QPCT: variants seen among roughly 807,000 people sequenced by gnomAD.
QPCT encodes the protein glutaminyl-peptide cyclotransferase, also known as EC.
QPCT carries 44 observed loss-of-function variants against 43.4 expected under a neutral mutation model. That is an observed-to-expected ratio of 1.01 (90% CI 0.80 to 1.30). QPCT has a LOEUF of 1.30. QPCT is among the 50% of genes most tolerant of loss of function. The pLI, the probability that QPCT is intolerant of heterozygous loss-of-function variation, is 0.00. For synonymous variants in QPCT, 168 were observed against 168.4 expected (o/e 1.00, Z 0.02); for missense variants, 526 against 436.5 (o/e 1.21, Z -1.83).
chr2:37,360,129 A>G, intron 3 of QPCT: 1 of 422,030 alleles, frequency 2.4e-6, no homozygotes, highest in Admixed American at 4.1e-5. Flanking sequence ...CTTTGTGAAA[A>G]ATGAAGGAGG....
chr2:37,366,236 C>T (rs1330706293), intron 3 of QPCT, among the ~76,000 whole-genome samples: 1 of 152,174 alleles, frequency 6.6e-6, no homozygotes, highest in South Asian at 2.1e-4. Flanking sequence ...GGGTTATTGT[C>T]AGACGGAGGA....
chr2:37,353,160 G>A (rs1672658747), intron 2 of QPCT, among the ~76,000 whole-genome samples: 1 of 152,164 alleles, frequency 6.6e-6, no homozygotes, highest in Non-Finnish European at 1.5e-5. Context: ...TCTATTTGGG[G>A]TACAACATTA....
intron 3 of QPCT, among the ~76,000 whole-genome samples, chr2:37,360,332 A>G (rs768015005): frequency 6.6e-6 from 1 of 152,196 alleles, no homozygotes; most frequent in Non-Finnish European, 1.5e-5. Context: ...GATGAAAAGC[A>G]TGAAGCAGAA....
intron 4 of QPCT, among the ~76,000 whole-genome samples, chr2:37,367,976 G>T (rs1453771493): frequency 6.6e-6 from 1 of 152,204 alleles, no homozygotes; most frequent in Non-Finnish European, 1.5e-5. Flanking sequence ...TTCAGATTCA[G>T]TTGGGCCCAA....
At chr2:37,367,020 G>T (rs1001846407) in intron 3 of QPCT, 5 of 526,370 alleles carry the variant, frequency 9.5e-6, no homozygotes, top group African/African-American at 7.8e-5. Context: ...AGAGGGAATG[G>T]AAGAAGGTGG....
intron 2 of QPCT, among the ~76,000 whole-genome samples, chr2:37,353,617 T>A (rs955453219): frequency 3.9e-5 from 6 of 152,226 alleles, no homozygotes; most frequent in Non-Finnish European, 7.3e-5. Flanking sequence ...TTTACCACTG[T>A]TGTGGAGGGT....
At chr2:37,359,494 G>A (rs959212633) in intron 2 of QPCT, 86 bp from the exon 3 acceptor site, 9 of 1,252,354 alleles carry the variant, frequency 7.2e-6, no homozygotes, top group Admixed American at 2.4e-5. Context: ...TAATTTGAAA[G>A]GCACTACTTA....
chr2:37,356,666 C>T (rs767180241), intron 2 of QPCT, among the ~76,000 whole-genome samples: 19 of 152,274 alleles, frequency 1.2e-4, no homozygotes, highest in East Asian at 5.8e-4. Flanking sequence ...TTTATAAAGA[C>T]GATTTATCTT....
At position 37,351,696 on chromosome 2, in the gene QPCT, A is replaced by G. The variant is rs529978249; in HGVS notation, c.121-1093A>G. On this transcript the variant is annotated intron_variant, in intron 1 of 6. Transcript: ENST00000338415. ...TGGGAGTTTGAGACCAGCCTGACCAATATGATGAAACCCCGTCTCTACTAA... is the reference window on the plus strand; with the variant it reads ...TGGGAGTTTGAGACCAGCCTGACCAGTATGATGAAACCCCGTCTCTACTAA... Among the ~76,000 whole-genome samples, 4 of 152,168 alleles carry G rather than the reference A, an allele frequency of 2.6e-5. No individual in the cohort carries two copies. The South Asian group carries it at 8.3e-4, about 32-fold the overall frequency.
chr2:37,363,008 A>G (rs1395335277), intron 3 of QPCT, among the ~76,000 whole-genome samples: 1 of 152,236 alleles, frequency 6.6e-6, no homozygotes, highest in Non-Finnish European at 1.5e-5. Flanking sequence ...GGAGGGTGAC[A>G]GTGGGGCACC....
intron 3 of QPCT, among the ~76,000 whole-genome samples, chr2:37,363,316 G>A (rs2124939627): frequency 6.6e-6 from 1 of 152,120 alleles, no homozygotes; most frequent in South Asian, 2.1e-4. Context: ...AGACATTTGA[G>A]GACAGACTCC....
chr2:37,359,246 C>A (rs925353681), intron 2 of QPCT, among the ~76,000 whole-genome samples: 2 of 152,032 alleles, frequency 1.3e-5, no homozygotes, highest in African/African-American at 4.8e-5. Flanking sequence ...TGTTTGTATG[C>A]TACTGTAGGT....
chr2:37,372,000 T>C (rs1673085949), intron 5 of QPCT, among the ~76,000 whole-genome samples: 2 of 152,188 alleles, frequency 1.3e-5, no homozygotes, highest in African/African-American at 4.8e-5. Context: ...TCATGCAGCA[T>C]CTTGGACCTA....
At position 37,369,736 on chromosome 2, in the gene QPCT, A is replaced by G; in HGVS notation, c.775A>G (p.Asn259Asp). The change falls in exon 5 of 7, where the codon AAT becomes GAT. Residue 259 changes from asparagine to aspartate, a missense_variant. Physicochemically the swap from Asn to Asp is conservative, Grantham distance 23. Coordinates refer to ENST00000338415, the MANE Select transcript of QPCT (RefSeq NM_012413.4). ...TGGAGCTCCAAACCCAACGTTTCCC[A>G]ATTTTTTTCCAAACTCAGCCAGGTG... ...LIGAPNPTFP[N>D]FFPNSARWFE... 6.2e-7 allele frequency: 1 copy of G among 1,609,800 alleles called. No individual in the cohort carries two copies. The highest frequency in any genetic ancestry group is 8.5e-7 in the Non-Finnish European group (1 of 1,176,052).
chr2:37,356,039 C>T (rs951893611), intron 2 of QPCT, among the ~76,000 whole-genome samples: 4 of 152,120 alleles, frequency 2.6e-5, no homozygotes, highest in African/African-American at 7.2e-5. Flanking sequence ...ATCCTGACGA[C>T]GATGTGTTTG....
chr2:37,366,104 G>A (rs1672953405), intron 3 of QPCT, among the ~76,000 whole-genome samples: 2 of 152,300 alleles, frequency 1.3e-5, no homozygotes, highest in South Asian at 4.1e-4. Context: ...CAAATATAGA[G>A]TGAAGTGAGG....
At chr2:37,361,515 T>TGGAA (rs1672857608) in intron 3 of QPCT, among the ~76,000 whole-genome samples, 1 of 152,228 alleles carries the variant, frequency 6.6e-6, no homozygotes, top group Non-Finnish European at 1.5e-5. Flanking sequence ...AAACAGGGGC[T>TGGAA]GGAAGTGTGC....
At chr2:37,358,457 AAAAC>A (rs991234236) in intron 2 of QPCT, among the ~76,000 whole-genome samples, 3 of 152,150 alleles carry the variant, frequency 2.0e-5, no homozygotes, top group African/African-American at 4.8e-5. Context: ...AAAACAAAAC[AAAAC>A]AAACAAACAA....
intron 4 of QPCT, chr2:37,368,661 T>G (rs964203004): frequency 6.4e-6 from 3 of 471,060 alleles, no homozygotes; most frequent in African/African-American, 6.0e-5. Flanking sequence ...GGGAATGTGG[T>G]CAGCATATCA....
Sources: allele counts gnomAD v4.1 joint callset (sites outside exome capture counted in the v4.1 genomes callset), GRCh38; gene constraint gnomAD v4.1.1; transcripts MANE v1.5; gene names NCBI Gene and HGNC (gene_info 2026-07-23, HGNC 2026-07-21).